The following FRAS1 variants were observed in gnomAD, a reference collection of about 807,000 sequenced individuals.
FRAS1 encodes the protein extracellular matrix organizing protein FRAS1.
A neutral mutation model predicts 435.2 loss-of-function variants in FRAS1; 290 were observed. The ratio of observed to expected loss-of-function variants is 0.67; its 90% CI spans 0.61 to 0.73. FRAS1 has a LOEUF of 0.73. FRAS1 is among the 30% of genes least tolerant of loss of function. The pLI, the probability that FRAS1 is intolerant of heterozygous loss-of-function variation, is 0.00. For synonymous variants in FRAS1, 1,800 were observed against 1,851.0 expected (o/e 0.97, Z 0.71); for missense variants, 4,860 against 5,001.5 (o/e 0.97, Z 0.85).
Position 78,379,926 on chromosome 4 carries a change from G to T in FRAS1, c.3493G>T (p.Ala1165Ser), listed in dbSNP as rs767935057. The change falls in exon 27 of 74, where the codon GCT becomes TCT. Residue 1165 changes from alanine to serine, a missense_variant. Coordinates refer to ENST00000512123, the MANE Select transcript of FRAS1 (RefSeq NM_025074.7). ...TGGAAAAGAGGTTCAGCTGGACAAG[G>T]CTGGCCGTTTTAGCTGGAAAGATGT... ...RNGKEVQLDK[A>S]GRFSWKDVNE... 2 of 1,613,762 alleles carry T rather than the reference G, an allele frequency of 1.2e-6. No homozygotes were observed. The highest frequency in any genetic ancestry group is 2.7e-5 in the African/African-American group (2 of 74,912).
At chr4:78,303,160 A>G (rs1185605318) in intron 14 of FRAS1, among the ~76,000 whole-genome samples, 3 of 152,118 alleles carry the variant, frequency 2.0e-5, no homozygotes, top group Non-Finnish European at 4.4e-5. Flanking sequence ...CAAAGATAAG[A>G]TAGTTGTAGA....
At chr4:78,426,405 C>T (rs1382111564) in intron 35 of FRAS1, among the ~76,000 whole-genome samples, 1 of 151,834 alleles carries the variant, frequency 6.6e-6, no homozygotes, top group Admixed American at 6.6e-5. Context: ...CTTGCTTCTG[C>T]CAGATGTTCC....
chr4:78,371,600 AG>A (rs1731511001), intron 23 of FRAS1, among the ~76,000 whole-genome samples: 1 of 152,216 alleles, frequency 6.6e-6, no homozygotes, highest in South Asian at 2.1e-4. Context: ...GTGAGAAACC[AG>A]GATAATATAG....
chr4:78,459,174 A>G (rs145382868), intron 47 of FRAS1, among the ~76,000 whole-genome samples: 1,565 of 152,318 alleles, frequency 0.01, 10 homozygotes, highest in Non-Finnish European at 0.013. Context: ...AAGGACCCCA[A>G]TGAAATTCTA....
intron 2 of FRAS1, among the ~76,000 whole-genome samples, chr4:78,233,691 A>G (rs955989613): frequency 5.9e-5 from 9 of 152,154 alleles, no homozygotes; most frequent in South Asian, 4.1e-4. Context: ...TCTCATTTCT[A>G]TTTTACAGAT....
chr4:78,534,039 TG>T (rs1721803961), intron 70 of FRAS1, among the ~76,000 whole-genome samples: 1 of 152,074 alleles, frequency 6.6e-6, no homozygotes, highest in Admixed American at 6.6e-5. Flanking sequence ...TAGCAAGTCC[TG>T]AAAGTGGGAC....
intron 9 of FRAS1, among the ~76,000 whole-genome samples, chr4:78,272,957 CT>C (rs1237752472): frequency 1.3e-5 from 2 of 152,088 alleles, no homozygotes; most frequent in African/African-American, 4.8e-5. Context: ...ATGGAATGTT[CT>C]TCCATTTGTT....
At chr4:78,342,258 T>A (rs1485272308) in intron 20 of FRAS1, among the ~76,000 whole-genome samples, 1 of 152,144 alleles carries the variant, frequency 6.6e-6, no homozygotes, top group Non-Finnish European at 1.5e-5. Flanking sequence ...TTAATTGTAC[T>A]TAGCTGTTTA....
rs536012366 is a variant in FRAS1, at chr4:78,420,936, GT to G, written c.4541-924del. Among the ~76,000 whole-genome samples, 1,026 of 127,100 alleles carry G rather than the reference GT, an allele frequency of 8.1e-3. 14 individuals are homozygous for G. The highest frequency in any genetic ancestry group is 0.03 in the African/African-American group (991 of 33,550). 83.4% of individuals were successfully genotyped at this position (127,100 alleles called of 152,430 possible). A position where few individuals can be genotyped will look rare whatever the true frequency, so the allele number is the denominator to read the frequency against. On this transcript the variant is annotated intron_variant, in intron 33 of 73. Transcript: ENST00000512123. ...TATATATATATTTATATAAAGGGGA[GT>G]TTATTAAGTATTAACTCCCACAATC...
intron 2 of FRAS1, among the ~76,000 whole-genome samples, chr4:78,087,056 C>T (rs1741219546): frequency 1.3e-5 from 2 of 152,188 alleles, no homozygotes; most frequent in African/African-American, 4.8e-5. Context: ...TCCAGCAGCA[C>T]ATCAAAAAGC....
intron 18 of FRAS1, among the ~76,000 whole-genome samples, chr4:78,328,968 A>G (rs1171938772): frequency 6.6e-6 from 1 of 152,150 alleles, no homozygotes; most frequent in Non-Finnish European, 1.5e-5. Flanking sequence ...GATACTCCCC[A>G]TTCTGAGCCC....
intron 2 of FRAS1, among the ~76,000 whole-genome samples, chr4:78,221,576 T>G (rs774852101): frequency 6.6e-6 from 1 of 152,244 alleles, no homozygotes; most frequent in Non-Finnish European, 1.5e-5. Context: ...CTCCAAATAC[T>G]GTTATTTTCT....
chr4:78,328,246 T>C (rs1729795911), intron 18 of FRAS1, among the ~76,000 whole-genome samples: 2 of 152,240 alleles, frequency 1.3e-5, no homozygotes, highest in Admixed American at 1.3e-4. Context: ...AAATGAAATG[T>C]TTGTACTCAT....
At position 78,278,076 on chromosome 4, in the gene FRAS1, G is replaced by A. The variant is rs539756195; in HGVS notation, c.982-579G>A. Reference sequence around the variant, plus strand: ...GGCCTCCCAAAGTGCTGGGATTACAGGCGTGATCCACCACGACTGGCCATC... The same window carrying A: ...GGCCTCCCAAAGTGCTGGGATTACAAGCGTGATCCACCACGACTGGCCATC... On this transcript the variant is annotated intron_variant, in intron 9 of 73. Coordinates refer to ENST00000512123, the MANE Select transcript of FRAS1 (RefSeq NM_025074.7). 7.2e-5 allele frequency among the ~76,000 whole-genome samples: 11 copies of A among 152,280 alleles called. No homozygotes were observed. In the East Asian group the frequency reaches 2.1e-3, roughly 29 times the overall value.
intron 23 of FRAS1, among the ~76,000 whole-genome samples, chr4:78,371,441 G>T (rs2110306970): frequency 6.6e-6 from 1 of 152,262 alleles, no homozygotes; most frequent in South Asian, 2.1e-4. Flanking sequence ...TTCTCTAAGA[G>T]AAACAGTTCA....
chr4:78,444,808 C>T (rs1718739661), intron 41 of FRAS1, among the ~76,000 whole-genome samples: 1 of 152,184 alleles, frequency 6.6e-6, no homozygotes, highest in Non-Finnish European at 1.5e-5. Context: ...AACTGGGCAT[C>T]TCGGTACCTG....
chr4:78,181,812 T>TG, intron 2 of FRAS1: 2 of 1,612,026 alleles, frequency 1.2e-6, no homozygotes, highest in East Asian at 2.2e-5. Context: ...AGCGGGTTCT[T>TG]GCGGTCTTTC....
intron 30 of FRAS1, among the ~76,000 whole-genome samples, chr4:78,406,718 A>G (rs964818460): frequency 2.6e-5 from 4 of 152,156 alleles, no homozygotes; most frequent in South Asian, 2.1e-4. Context: ...TTTTCTTTTT[A>G]CGAATGAGGA....
At chr4:78,065,121 T>G (rs1007201959) in intron 1 of FRAS1, among the ~76,000 whole-genome samples, 17 of 133,330 alleles carry the variant, frequency 1.3e-4, no homozygotes, top group African/African-American at 4.5e-4. Context: ...CATATGCTAT[T>G]TATACTATAT....
Sources: gnomAD v4.1 joint callset for allele counts (sites outside exome capture counted in the v4.1 genomes callset) on GRCh38, gnomAD v4.1.1 for gene constraint, MANE v1.5 for transcripts, NCBI Gene and HGNC (gene_info 2026-07-23, HGNC 2026-07-21) for gene names.